Variants in EGFLAM observed in about 807,000 individuals in gnomAD.
EGFLAM encodes the protein pikachurin.
A neutral mutation model predicts 113.1 loss-of-function variants in EGFLAM; 79 were observed. That is an observed-to-expected ratio of 0.70 (90% CI 0.58 to 0.84). The LOEUF (loss-of-function observed/expected upper bound fraction) is 0.84, where lower values mean the gene tolerates loss of function less well. EGFLAM is among the 40% of genes least tolerant of loss of function. The pLI is 0.00. For missense variants in EGFLAM, 1,265 were observed against 1,291.6 expected, an observed-to-expected ratio of 0.98 and a Z score of 0.32; for synonymous variants, 504 against 487.6, an observed-to-expected ratio of 1.03 and a Z score of -0.44.
At chr5:38,429,199 T>C (rs3110991) in intron 14 of EGFLAM, among the ~76,000 whole-genome samples, 2 of 152,148 alleles carry the variant, frequency 1.3e-5, no homozygotes, top group Non-Finnish European at 2.9e-5. Context: ...CTGTGATCGA[T>C]AAAAGGATGT....
chr5:38,445,928 G>C (rs1489079502), intron 17 of EGFLAM, among the ~76,000 whole-genome samples: 1 of 152,126 alleles, frequency 6.6e-6, no homozygotes, highest in East Asian at 1.9e-4. Flanking sequence ...CATGTGCAGA[G>C]CCGATGTGTG....
At chr5:38,398,123 G>A (rs1336458111) in intron 6 of EGFLAM, among the ~76,000 whole-genome samples, 1 of 152,210 alleles carries the variant, frequency 6.6e-6, no homozygotes, top group Non-Finnish European at 1.5e-5. Context: ...TTGTTTTCCA[G>A]GAACACTCTG....
At chr5:38,427,402 TC>T in intron 14 of EGFLAM, 150 bp downstream of exon 14, 1 of 1,344,868 alleles carries the variant, frequency 7.4e-7, no homozygotes, top group Non-Finnish European at 1.0e-6. Flanking sequence ...TTGTCCTGCT[TC>T]AGGCAGATGA....
intron 1 of EGFLAM, among the ~76,000 whole-genome samples, chr5:38,321,788 C>G (rs1232435933): frequency 6.6e-6 from 1 of 152,190 alleles, no homozygotes; most frequent in Non-Finnish European, 1.5e-5. Flanking sequence ...GTTTGTGAAG[C>G]AGCGTGACAC....
At chr5:38,435,810 T>C (rs1407652530) in intron 16 of EGFLAM, among the ~76,000 whole-genome samples, 1 of 123,878 alleles carries the variant, frequency 8.1e-6, no homozygotes, top group African/African-American at 4.0e-5. Flanking sequence ...CTCTCTCTTT[T>C]TTTTTTTTTT....
chr5:38,262,387 T>A (rs750609926), intron 1 of EGFLAM, among the ~76,000 whole-genome samples: 4 of 152,210 alleles, frequency 2.6e-5, no homozygotes, highest in Non-Finnish European at 5.9e-5. Flanking sequence ...ATGCAATAAA[T>A]TTCATCAAGT....
chr5:38,410,220 C>A (rs1579889482), intron 10 of EGFLAM, among the ~76,000 whole-genome samples: 1 of 152,362 alleles, frequency 6.6e-6, no homozygotes, highest in East Asian at 1.9e-4. Context: ...TTCTGAGCAT[C>A]CCACTTGGGC....
chr5:38,455,145 A>T (rs1235102665), intron 19 of EGFLAM, among the ~76,000 whole-genome samples: 1 of 152,202 alleles, frequency 6.6e-6, no homozygotes, highest in East Asian at 1.9e-4. Flanking sequence ...ACTTGACATT[A>T]GCAAAGTGCC....
rs531508468 is a variant in EGFLAM at position 38,350,579 on chromosome 5, C to T, written c.370C>T (p.Arg124Trp). 5.5e-5 allele frequency: 88 copies of T among 1,613,982 alleles called. No individual in the cohort carries two copies. Among genetic ancestry groups the T allele is most frequent in the Non-Finnish European group, 5.4e-5 (64 of 1,179,934 alleles). The change falls in exon 4 of 22, where the codon CGG (arginine) becomes TGG (tryptophan). Residue 124 changes from arginine to tryptophan, a missense_variant. Coordinates refer to ENST00000322350, the MANE Select transcript of EGFLAM (RefSeq NM_152403.4). ...AGCTTACAGCCAGGCTGGCAAAGGG[C>T]GGCTGAGCTCTCCTCGGCATGTCAC... is the stretch of plus-strand genomic sequence containing the variant. ...IAAYSQAGKG[R>W]LSSPRHVTTL...
At chr5:38,443,853 C>T (rs1742625648) in intron 17 of EGFLAM, among the ~76,000 whole-genome samples, 2 of 151,536 alleles carry the variant, frequency 1.3e-5, no homozygotes, top group East Asian at 1.9e-4. Flanking sequence ...TCACTGCAGC[C>T]TCCGCCTCCC....
intron 1 of EGFLAM, among the ~76,000 whole-genome samples, chr5:38,278,480 C>G (rs1757939867): frequency 6.6e-6 from 1 of 151,674 alleles, no homozygotes; most frequent in Non-Finnish European, 1.5e-5. Flanking sequence ...TAACATTGAT[C>G]TGGTCAATGA....
At chr5:38,381,173 A>T (rs1308041993) in intron 6 of EGFLAM, among the ~76,000 whole-genome samples, 1 of 152,068 alleles carries the variant, frequency 6.6e-6, no homozygotes, top group Non-Finnish European at 1.5e-5. Context: ...TTTCCTTCAC[A>T]TTCATCATAA....
intron 1 of EGFLAM, among the ~76,000 whole-genome samples, chr5:38,333,049 G>A (rs1472939522): frequency 1.3e-5 from 2 of 152,144 alleles, no homozygotes; most frequent in Admixed American, 6.5e-5. Flanking sequence ...GAGAACATAG[G>A]GTAGTTGGTT....
At chr5:38,412,433 C>T (rs112138948) in intron 10 of EGFLAM, 71 bp from the exon 11 acceptor site, 41,593 of 1,609,270 alleles carry the variant, frequency 0.026, 657 homozygotes, top group Non-Finnish European at 0.029. Context: ...CTGGAAGTGA[C>T]GTCCACGGAA....
intron 3 of EGFLAM, among the ~76,000 whole-genome samples, chr5:38,344,792 A>C (rs1328421477): frequency 6.6e-6 from 1 of 152,166 alleles, no homozygotes; most frequent in African/African-American, 2.4e-5. Context: ...CACTCTAGCC[A>C]ATAGATGAGG....
At chr5:38,295,486 C>G (rs917572641) in intron 1 of EGFLAM, among the ~76,000 whole-genome samples, 4 of 152,164 alleles carry the variant, frequency 2.6e-5, no homozygotes, top group African/African-American at 9.7e-5. Context: ...AATGACCAAA[C>G]AGAACACCCC....
At chr5:38,364,961 T>G (rs895388260) in intron 5 of EGFLAM, among the ~76,000 whole-genome samples, 2 of 152,102 alleles carry the variant, frequency 1.3e-5, no homozygotes, top group African/African-American at 4.8e-5. Context: ...AGGCCACAGG[T>G]GTCTGTCTGT....
chr5:38,272,539 T>C (rs1757789411), intron 1 of EGFLAM, among the ~76,000 whole-genome samples: 1 of 152,234 alleles, frequency 6.6e-6, no homozygotes, highest in South Asian at 2.1e-4. Context: ...AACATTCTTC[T>C]TCAATTTTAT....
At chr5:38,360,956 G>A (rs1348448835) in intron 5 of EGFLAM, among the ~76,000 whole-genome samples, 1 of 151,596 alleles carries the variant, frequency 6.6e-6, no homozygotes, top group Non-Finnish European at 1.5e-5. Context: ...CCAGGTTCAA[G>A]CAATCCTCCT....
Sources: gnomAD v4.1 joint callset for allele counts (sites outside exome capture counted in the v4.1 genomes callset) on GRCh38, gnomAD v4.1.1 for gene constraint, MANE v1.5 for transcripts, NCBI Gene and HGNC (gene_info 2026-07-23, HGNC 2026-07-21) for gene names.